Variants in SMIM31 observed in about 807,000 individuals in gnomAD.
The protein encoded by SMIM31 is human epithelial cell program regulator.
intron 2 of SMIM31, among the ~76,000 whole-genome samples, chr4:164,796,642 C>G (rs1733198849): frequency 6.6e-6 from 1 of 152,194 alleles, no homozygotes; most frequent in Non-Finnish European, 1.5e-5. Context: ...ACCTTCCCTT[C>G]AAAGTTGTTG....
At chr4:164,789,075 A>G (rs1579072326) in intron 2 of SMIM31, among the ~76,000 whole-genome samples, 1 of 123,838 alleles carries the variant, frequency 8.1e-6, no homozygotes, top group Non-Finnish European at 1.8e-5. Flanking sequence ...GTGATCTGGG[A>G]AAAAAAAAAT....
rs1467442000 is a variant in SMIM31, at chr4:164,770,514, C to A, written c.71C>A (p.Thr24Asn). The A allele has an allele frequency of 7.5e-6, 3 of 398,748 alleles. No homozygotes were observed. Among genetic ancestry groups the A allele is most frequent in the African/African-American group, 6.2e-5 (3 of 48,582 alleles). The allele number at this position is 398,748 out of a possible 1,614,324, so 24.7% of individuals were successfully genotyped here. ...GCTTTTGTTATCTTTTCCTTATTTA[C>A]CCTGGCTTCCATCTACACTACTCCG... ...LLAFVIFSLFTLASIYTTPDD... is the reference protein window; with the variant it reads ...LLAFVIFSLFNLASIYTTPDD... The change falls in exon 2 of 3, where the codon ACC (threonine) becomes AAC (asparagine). Residue 24 changes from threonine to asparagine, a missense_variant. Physicochemically the swap from Thr to Asn is moderately conservative, Grantham distance 65 (BLOSUM62 0). Coordinates refer to ENST00000507311, the MANE Select transcript of SMIM31 (RefSeq NM_001352885.1).
At chr4:164,786,577 G>A (rs942507768) in intron 2 of SMIM31, among the ~76,000 whole-genome samples, 16 of 152,066 alleles carry the variant, frequency 1.1e-4, no homozygotes, top group African/African-American at 2.7e-4. Flanking sequence ...TAGAATTCTA[G>A]TGCTCTTTTC....
At position 164,791,874 on chromosome 4, in the gene SMIM31, A is replaced by C. The variant is rs973113735; in HGVS notation, c.113-9217A>C. Among the ~76,000 whole-genome samples the C allele has an allele frequency of 3.3e-5, 5 of 152,074 alleles. 1 individual carries two copies. Among genetic ancestry groups the C allele is most frequent in the Non-Finnish European group, 5.9e-5 (4 of 68,006 alleles). ...CCACACTCCCCACTTCTGAGTCTCC[A>C]ATGTCTGTTTATACCACTTCGTATG... On this transcript the variant is annotated intron_variant, in intron 2 of 2. Coordinates refer to ENST00000507311, the MANE Select transcript of SMIM31 (RefSeq NM_001352885.1).
At chr4:164,782,581 G>A (rs1275128196) in intron 2 of SMIM31, among the ~76,000 whole-genome samples, 7 of 110,580 alleles carry the variant, frequency 6.3e-5, no homozygotes, top group African/African-American at 4.7e-4. Flanking sequence ...GGTTTTCACC[G>A]TGTTAGCCAG....
intron 2 of SMIM31, among the ~76,000 whole-genome samples, chr4:164,791,386 G>A (rs1021844883): frequency 1.3e-5 from 2 of 152,138 alleles, no homozygotes; most frequent in Non-Finnish European, 2.9e-5. Flanking sequence ...AGGCTGGACT[G>A]CAGTGGTGCG....
intron 1 of SMIM31, among the ~76,000 whole-genome samples, chr4:164,760,738 TAAAAAAAAAA>T (rs60710008): frequency 2.3e-5 from 2 of 86,252 alleles, no homozygotes; most frequent in East Asian, 3.8e-4. Context: ...AGACTCCACC[TAAAAAAAAAA>T]AAAAAAAAAA....
At chr4:164,776,335 T>A (rs1003396180) in intron 2 of SMIM31, among the ~76,000 whole-genome samples, 3 of 152,214 alleles carry the variant, frequency 2.0e-5, no homozygotes, top group African/African-American at 7.2e-5. Flanking sequence ...TAGAGTTCCA[T>A]GATTTGTTAC....
chr4:164,792,185 G>A lies in SMIM31; in HGVS notation c.113-8906G>A, dbSNP rs185231040. ...GCTCTCAAGTGACATCATGGTGCTA[G>A]GCCACAGACTACACTTTAAGTAGCA... On this transcript the variant is annotated intron_variant, in intron 2 of 2. Coordinates refer to ENST00000507311, the MANE Select transcript of SMIM31 (RefSeq NM_001352885.1). Among the ~76,000 whole-genome samples the A allele has an allele frequency of 1.7e-3, 252 of 152,238 alleles. 2 individuals are homozygous for A. Among genetic ancestry groups the A allele is most frequent in the African/African-American group, 5.8e-3 (242 of 41,538 alleles).
At position 164,761,509 on chromosome 4, in the gene SMIM31, G is replaced by T. The variant is rs79221556; in HGVS notation, c.-26+7098G>T. Among the ~76,000 whole-genome samples the T allele has an allele frequency of 8.9e-3, 1,350 of 152,270 alleles. 16 individuals carry two copies. Among genetic ancestry groups the T allele is most frequent in the African/African-American group, 0.03 (1,266 of 41,558 alleles). On this transcript the variant is annotated intron_variant, in intron 1 of 2. Transcript: ENST00000507311. ...GTCAATTCCTCATGCCTACAGTAGA[G>T]TCTGTAGTTGCAAAGAGTTGGGTCA... is the stretch of plus-strand genomic sequence containing the variant.
chr4:164,755,373 G>A lies in SMIM31; in HGVS notation c.-26+962G>A, dbSNP rs537536056. Among the ~76,000 whole-genome samples, 20 of 150,566 alleles carry A rather than the reference G, an allele frequency of 1.3e-4. 1 individual carries two copies. The South Asian group carries it at 3.4e-3, about 26-fold the overall frequency. On this transcript the variant is annotated intron_variant, in intron 1 of 2. Coordinates refer to ENST00000507311, the MANE Select transcript of SMIM31 (RefSeq NM_001352885.1). ...TGTGTGCCTGTAATCCCAGCTACTC[G>A]GGAGGCTGAGGCAGGAGAATCACTT...
chr4:164,766,470 A>T (rs948889196), intron 1 of SMIM31, among the ~76,000 whole-genome samples: 1 of 152,108 alleles, frequency 6.6e-6, no homozygotes, highest in African/African-American at 2.4e-5. Flanking sequence ...GACTGCTTTC[A>T]TAGAACTTTA....
intron 1 of SMIM31, among the ~76,000 whole-genome samples, chr4:164,758,837 T>TA (rs1732607203): frequency 1.3e-5 from 1 of 75,902 alleles, no homozygotes; most frequent in African/African-American, 4.3e-5. Flanking sequence ...TTTTTTTTTT[T>TA]TTTTGTATTT....
chr4:164,782,196 A>C (rs1732959678), intron 2 of SMIM31, among the ~76,000 whole-genome samples: 1 of 151,180 alleles, frequency 6.6e-6, no homozygotes. Flanking sequence ...AGGCTGAGGC[A>C]GGAGAATCGC....
chr4:164,780,269 T>C (rs576422189), intron 2 of SMIM31, among the ~76,000 whole-genome samples: 2 of 152,166 alleles, frequency 1.3e-5, no homozygotes, highest in African/African-American at 4.8e-5. Flanking sequence ...CTACTAAAAA[T>C]ACAAAAAATT....
rs139403305 is a variant in SMIM31, at chr4:164,784,102, A to G, written c.112+13547A>G. ...CCCTAAAAATAAAAATTAAAAGTAC[A>G]ACTAACGATGAAGAAAGTTGGGGGC... On this transcript the variant is annotated intron_variant, in intron 2 of 2. Transcript: ENST00000507311. 3.5e-3 allele frequency among the ~76,000 whole-genome samples: 536 copies of G among 152,320 alleles called. 2 individuals carry two copies. Among genetic ancestry groups the G allele is most frequent in the African/African-American group, 0.012 (484 of 41,570 alleles).
chr4:164,776,193 C>T (rs765585246), intron 2 of SMIM31, among the ~76,000 whole-genome samples: 1 of 152,074 alleles, frequency 6.6e-6, no homozygotes, highest in African/African-American at 2.4e-5. Context: ...CAGTCTAACC[C>T]AAAATGAACT....
intron 2 of SMIM31, among the ~76,000 whole-genome samples, chr4:164,800,858 G>A (rs1003573280): frequency 6.6e-6 from 1 of 152,010 alleles, no homozygotes; most frequent in Admixed American, 6.6e-5. Flanking sequence ...TAGCCTTTGC[G>A]ATACTGAACC....
intron 2 of SMIM31, among the ~76,000 whole-genome samples, chr4:164,777,408 A>G (rs1275204356): frequency 6.6e-6 from 1 of 152,194 alleles, no homozygotes; most frequent in African/African-American, 2.4e-5. Flanking sequence ...TAGTTTTTAA[A>G]TTCACCACTG....
Sources: gnomAD v4.1 joint callset for allele counts (sites outside exome capture counted in the v4.1 genomes callset) on GRCh38, gnomAD v4.1.1 for gene constraint, MANE v1.5 for transcripts, NCBI Gene and HGNC (gene_info 2026-07-23, HGNC 2026-07-21) for gene names.